The following MRE11 variants were observed in gnomAD, a reference collection of about 807,000 sequenced individuals.
MRE11 encodes the protein MRE11 double strand break repair nuclease.
In MRE11, 62 loss-of-function variants were observed where a neutral mutation model predicts 91.7. The observed-to-expected ratio is 0.68, with a 90% confidence interval of 0.55 to 0.84. The LOEUF (loss-of-function observed/expected upper bound fraction) is 0.84, where lower values mean the gene tolerates loss of function less well. Among genes scored for constraint, MRE11 ranks in the 40% least tolerant of loss-of-function variants. MRE11 has a pLI of 0.00. For missense variants in MRE11, 796 were observed against 852.9 expected (o/e 0.93, Z 0.83); for synonymous variants, 273 against 271.4 (o/e 1.01, Z -0.06).
At chr11:94,426,320 G>A (rs1202188118) in intron 19 of MRE11, among the ~76,000 whole-genome samples, 1 of 151,746 alleles carries the variant, frequency 6.6e-6, no homozygotes, top group Non-Finnish European at 1.5e-5. Context: ...TTTCATTAAT[G>A]AAAATAAAAA....
chr11:94,417,822 T>C lies in MRE11; in HGVS notation c.*2303A>G, dbSNP rs1325414059. On this transcript the variant is annotated 3_prime_UTR_variant, in exon 20 of 20. Transcript: ENST00000323929. ...ATACCTGAATTAAAGGTCACATTCC[T>C]AAATGCTTGAATTTTCTAAGCACCA... The C allele has an allele frequency of 4.3e-6, 1 of 232,982 alleles. No individual in the cohort carries two copies. The highest frequency in any genetic ancestry group is 2.2e-5 in the African/African-American group (1 of 45,346). The allele number at this position is 232,982 out of a possible 1,614,324, so 14.4% of individuals were successfully genotyped here.
chr11:94,486,547 T>C (rs1413879471), intron 3 of MRE11, among the ~76,000 whole-genome samples: 4 of 152,182 alleles, frequency 2.6e-5, no homozygotes, highest in African/African-American at 9.7e-5. Flanking sequence ...TGCAAGACCC[T>C]CTACTGAGTC....
intron 14 of MRE11, among the ~76,000 whole-genome samples, chr11:94,451,972 G>A (rs1488813884): frequency 3.9e-5 from 6 of 152,082 alleles, no homozygotes; most frequent in South Asian, 2.1e-4. Context: ...TTGGGAGGCC[G>A]AGGCGGGTGG....
the MRE11 span, among the ~76,000 whole-genome samples, chr11:94,500,034 T>C: frequency 6.6e-6 from 1 of 152,168 alleles, no homozygotes; most frequent in Non-Finnish European, 1.5e-5. Flanking sequence ...CCTAGGGAGA[T>C]GCTTTGTGGC....
chr11:94,488,875 T>C (rs1487591179), intron 3 of MRE11, among the ~76,000 whole-genome samples: 1 of 152,118 alleles, frequency 6.6e-6, no homozygotes, highest in Non-Finnish European at 1.5e-5. Context: ...AAATAATCTG[T>C]ACAACAATCC....
chr11:94,466,652 A>ACC, intron 10 of MRE11: 1 of 354,130 alleles, frequency 2.8e-6, no homozygotes. Context: ...GAAGCTCAGG[A>ACC]AGTCTGGCTC....
At chr11:94,437,885 G>T (rs1945665314) in intron 16 of MRE11, among the ~76,000 whole-genome samples, 1 of 152,156 alleles carries the variant, frequency 6.6e-6, no homozygotes, top group South Asian at 2.1e-4. Context: ...AGTGCTTTGG[G>T]AGGCTGAGGC....
At chr11:94,501,759 C>CCA in the MRE11 span, among the ~76,000 whole-genome samples, 7 of 93,636 alleles carry the variant, frequency 7.5e-5, no homozygotes, top group East Asian at 4.2e-4. Flanking sequence ...TCACTTTGGG[C>CCA]AAAAAAAAAA....
At chr11:94,487,869 T>C (rs1947182556) in intron 3 of MRE11, among the ~76,000 whole-genome samples, 1 of 152,202 alleles carries the variant, frequency 6.6e-6, no homozygotes, top group Non-Finnish European at 1.5e-5. Context: ...ATAAAAAGTT[T>C]TTTTAAAAAA....
Position 94,445,691 on chromosome 11 carries a change from A to T in MRE11, c.1867+119T>A, listed in dbSNP as rs1591652658. ...CTTTTAAAAAATAATTTATCCTGTG[A>T]TCCTAATTGCCCTTATAACTTCCCA... On this transcript the variant is annotated intron_variant, in intron 16 of 19. Coordinates refer to ENST00000323929, the MANE Select transcript of MRE11 (RefSeq NM_005591.4). 7 of 783,790 alleles carry T rather than the reference A, an allele frequency of 8.9e-6. 1 individual carries two copies. Among genetic ancestry groups the T allele is most frequent in the African/African-American group, 5.1e-5 (3 of 58,446 alleles). 48.6% of individuals were successfully genotyped at this position (783,790 alleles called of 1,614,324 possible).
intron 18 of MRE11, among the ~76,000 whole-genome samples, chr11:94,432,614 T>C (rs191651793): frequency 6.6e-6 from 1 of 152,190 alleles, no homozygotes; most frequent in African/African-American, 2.4e-5. Flanking sequence ...CAGACCATCC[T>C]GGCTAACACG....
chr11:94,449,339 T>C (rs1946030731), intron 14 of MRE11, among the ~76,000 whole-genome samples: 1 of 152,238 alleles, frequency 6.6e-6, no homozygotes, highest in African/African-American at 2.4e-5. Flanking sequence ...ACAACAGTGA[T>C]TTCAATTCAT....
At chr11:94,471,155 C>T (rs1169477669) in intron 8 of MRE11, among the ~76,000 whole-genome samples, 6 of 152,020 alleles carry the variant, frequency 3.9e-5, no homozygotes. Context: ...CTGTTAACTA[C>T]TTCTTACAAT....
At chr11:94,480,804 G>A (rs1264407865) in intron 4 of MRE11, among the ~76,000 whole-genome samples, 1 of 152,056 alleles carries the variant, frequency 6.6e-6, no homozygotes, top group Non-Finnish European at 1.5e-5. Context: ...AATTATCTTG[G>A]GGATCTTTCA....
In MRE11 at chr11:94,429,916, T is replaced by A. The variant is rs1591633806; in HGVS notation, c.2065A>T (p.Ser689Cys). 2 of 1,612,802 alleles carry A rather than the reference T, an allele frequency of 1.2e-6. No individual in the cohort carries two copies. Among genetic ancestry groups the A allele is most frequent in the Non-Finnish European group, 1.7e-6 (2 of 1,179,514 alleles). ...QVSKGVDFES[S>C]EDDDDDPFMN... Reference sequence around the variant, plus strand: ...TAACAATATTACTTATTTACCTCACTTGATTCAAAATCAACCCCTTTCGAT... The same window carrying A: ...TAACAATATTACTTATTTACCTCACATGATTCAAAATCAACCCCTTTCGAT... Residue 689 changes from serine (S) to cysteine (C), a missense_variant, in exon 19 of 20, where the codon AGT becomes TGT. Coordinates refer to ENST00000323929, the MANE Select transcript of MRE11 (RefSeq NM_005591.4).
At chr11:94,449,335 G>A (rs1453750292) in intron 14 of MRE11, among the ~76,000 whole-genome samples, 1 of 152,124 alleles carries the variant, frequency 6.6e-6, no homozygotes, top group Admixed American at 6.5e-5. Context: ...AGAAACAACA[G>A]TGATTTCAAT....
In MRE11 at chr11:94,468,534, C is replaced by T. The variant is rs188021374; in HGVS notation, c.1018-641G>A. Among the ~76,000 whole-genome samples, 40 of 152,282 alleles carry T rather than the reference C, an allele frequency of 2.6e-4. 1 individual carries two copies. The highest frequency in any genetic ancestry group is 4.9e-4 in the Non-Finnish European group (33 of 68,012). On this transcript the variant is annotated intron_variant, in intron 9 of 19. Transcript: ENST00000323929. ...TGGCCAACTTCATAGCTGAACAATTCTAGTTCTTAGAAAGTTCTTGTATTG... is the reference window on the plus strand; with the variant it reads ...TGGCCAACTTCATAGCTGAACAATTTTAGTTCTTAGAAAGTTCTTGTATTG...
At position 94,478,603 on chromosome 11, in the gene MRE11, C is replaced by G. The variant is rs193132306; in HGVS notation, c.544+132G>C. On this transcript the variant is annotated intron_variant, in intron 6 of 19. Coordinates refer to ENST00000323929, the MANE Select transcript of MRE11 (RefSeq NM_005591.4). Reference sequence around the variant, plus strand: ...AAAAATTTTTACCAAAACCATCCATCATTTTTTATAGTCACCAATAAAGAA... The same window carrying G: ...AAAAATTTTTACCAAAACCATCCATGATTTTTTATAGTCACCAATAAAGAA... 3.8e-6 allele frequency: 4 copies of G among 1,057,854 alleles called. No homozygotes were observed. The African/African-American group carries it at 6.5e-5, about 17-fold the overall frequency. 65.5% of individuals were successfully genotyped at this position (1,057,854 alleles called of 1,614,324 possible).
At chr11:94,435,048 C>G (rs1434408912) in intron 18 of MRE11, among the ~76,000 whole-genome samples, 1 of 152,164 alleles carries the variant, frequency 6.6e-6, no homozygotes, top group Non-Finnish European at 1.5e-5. Flanking sequence ...TCAAGCTTAA[C>G]AGCAATAGGC....
Sources: allele counts gnomAD v4.1 joint callset (sites outside exome capture counted in the v4.1 genomes callset), GRCh38; gene constraint gnomAD v4.1.1; transcripts MANE v1.5; gene names NCBI Gene and HGNC (gene_info 2026-07-23, HGNC 2026-07-21).